The following BRINP1 variants were observed in gnomAD, a reference collection of about 807,000 sequenced individuals.
The protein encoded by BRINP1 is BMP/retinoic acid-inducible neural-specific protein 1.
Under a neutral mutation model 72.9 loss-of-function variants are expected in BRINP1, and 17 were observed. That is an observed-to-expected ratio of 0.23 (90% CI 0.16 to 0.35). BRINP1 has a LOEUF of 0.35. Ranked by LOEUF, BRINP1 falls within the 10% of genes least tolerant of loss-of-function variation. The pLI, the probability that BRINP1 is intolerant of heterozygous loss-of-function variation, is 1.00. For synonymous variants in BRINP1, 418 were observed against 378.5 expected (o/e 1.10, Z -1.21); for missense variants, 850 against 1,001.6 (o/e 0.85, Z 2.04).
chr9:119,238,868 G>A lies in BRINP1; in HGVS notation c.580-108C>T, dbSNP rs10120220. On this transcript the variant is annotated intron_variant, in intron 4 of 7. Coordinates refer to ENST00000265922, the MANE Select transcript of BRINP1 (RefSeq NM_014618.3). ...CAAAGCCTGCAGAAAAGGCCTCCTGGTTTGAGTCAATGGTCACTTTCTGAG... is the reference window on the plus strand; with the variant it reads ...CAAAGCCTGCAGAAAAGGCCTCCTGATTTGAGTCAATGGTCACTTTCTGAG... 9,722 of 655,366 alleles carry A rather than the reference G, an allele frequency of 0.015. 689 individuals carry two copies. The African/African-American group carries it at 0.16, about 11-fold the overall frequency. The allele number at this position is 655,366 out of a possible 1,614,324, so 40.6% of individuals were successfully genotyped here.
intron 2 of BRINP1, among the ~76,000 whole-genome samples, chr9:119,302,666 T>C (rs1354499511): frequency 6.6e-6 from 1 of 152,198 alleles, no homozygotes; most frequent in Admixed American, 6.5e-5. Flanking sequence ...ACATCTTCTG[T>C]GTCCATTACT....
chr9:119,226,854 TA>T (rs1317212972), intron 5 of BRINP1, among the ~76,000 whole-genome samples: 1 of 152,016 alleles, frequency 6.6e-6, no homozygotes, highest in Non-Finnish European at 1.5e-5. Context: ...CCTGATCTAG[TA>T]AAAACCATGA....
At chr9:119,327,649 G>A (rs921288059) in intron 1 of BRINP1, among the ~76,000 whole-genome samples, 1 of 152,146 alleles carries the variant, frequency 6.6e-6, no homozygotes, top group African/African-American at 2.4e-5. Flanking sequence ...TCTTGTATTA[G>A]ATGGAAAGAA....
intron 5 of BRINP1, among the ~76,000 whole-genome samples, chr9:119,221,585 C>T (rs1830042222): frequency 6.6e-6 from 1 of 152,124 alleles, no homozygotes; most frequent in Non-Finnish European, 1.5e-5. Flanking sequence ...GTCATTTACA[C>T]TCTGGAAAAT....
chr9:119,293,960 AAAG>A (rs1394501912), intron 2 of BRINP1, among the ~76,000 whole-genome samples: 4 of 152,296 alleles, frequency 2.6e-5, no homozygotes, highest in East Asian at 3.9e-4. Context: ...TCAAATAAAA[AAAG>A]AAGTAAAATT....
intron 1 of BRINP1, among the ~76,000 whole-genome samples, chr9:119,314,966 A>G (rs893089860): frequency 4.6e-5 from 7 of 152,102 alleles, no homozygotes; most frequent in African/African-American, 1.7e-4. Flanking sequence ...GTTTTTGTTC[A>G]CCTGATCCCC....
intron 7 of BRINP1, among the ~76,000 whole-genome samples, chr9:119,192,952 T>A (rs374133684): frequency 6.6e-6 from 1 of 152,064 alleles, no homozygotes; most frequent in East Asian, 1.9e-4. Flanking sequence ...CAAAATCTGA[T>A]GATGTTCAAG....
intron 2 of BRINP1, among the ~76,000 whole-genome samples, chr9:119,301,017 T>C (rs1830933304): frequency 6.6e-6 from 1 of 152,258 alleles, no homozygotes; most frequent in Non-Finnish European, 1.5e-5. Flanking sequence ...AGTGTTATCA[T>C]TGGTAACCTG....
At chr9:119,238,997 A>G (rs906740862) in intron 4 of BRINP1, among the ~76,000 whole-genome samples, 9 of 152,170 alleles carry the variant, frequency 5.9e-5, no homozygotes, top group African/African-American at 2.2e-4. Flanking sequence ...ACTGGTTCTC[A>G]CTTCACACGG....
intron 1 of BRINP1, among the ~76,000 whole-genome samples, chr9:119,359,098 A>T (rs896811395): frequency 1.3e-5 from 2 of 152,238 alleles, no homozygotes; most frequent in African/African-American, 4.8e-5. Context: ...AGTAACAGTT[A>T]ATGTTTATAT....
At chr9:119,311,087 A>G (rs1831061461) in intron 2 of BRINP1, among the ~76,000 whole-genome samples, 1 of 152,190 alleles carries the variant, frequency 6.6e-6, no homozygotes, top group Non-Finnish European at 1.5e-5. Flanking sequence ...AGCACTTGTT[A>G]TACCTTGAAA....
chr9:119,275,332 A>G (rs1830645963), intron 2 of BRINP1, among the ~76,000 whole-genome samples: 3 of 152,212 alleles, frequency 2.0e-5, no homozygotes, highest in Admixed American at 2.0e-4. Context: ...TTGTACACAT[A>G]TATTCCCAAC....
chr9:119,186,117 T>G (rs1325127758), intron 7 of BRINP1, among the ~76,000 whole-genome samples: 1 of 152,100 alleles, frequency 6.6e-6, no homozygotes, highest in African/African-American at 2.4e-5. Flanking sequence ...GGGCACTGCC[T>G]GGGCTCAGAT....
At chr9:119,219,548 A>T (rs1263919543) in intron 5 of BRINP1, among the ~76,000 whole-genome samples, 3 of 149,692 alleles carry the variant, frequency 2.0e-5, no homozygotes, top group Non-Finnish European at 4.4e-5. Flanking sequence ...TCTTTCACAC[A>T]TATTCCTGAA....
chr9:119,297,033 A>T (rs1000859295), intron 2 of BRINP1, among the ~76,000 whole-genome samples: 1 of 152,192 alleles, frequency 6.6e-6, no homozygotes, highest in African/African-American at 2.4e-5. Context: ...ACAAAAAAAG[A>T]GACGGAAAAT....
At chr9:119,354,583 G>A (rs1464365305) in intron 1 of BRINP1, among the ~76,000 whole-genome samples, 2 of 152,160 alleles carry the variant, frequency 1.3e-5, no homozygotes, top group Non-Finnish European at 1.5e-5. Context: ...CATCAGGCCA[G>A]CCATGATGGC....
chr9:119,359,408 C>G (rs543941831), intron 1 of BRINP1, among the ~76,000 whole-genome samples: 2 of 152,286 alleles, frequency 1.3e-5, no homozygotes, highest in African/African-American at 4.8e-5. Context: ...CTAAATATTG[C>G]CCAGGCTGGT....
chr9:119,169,828 C>T (rs934919570), intron 7 of BRINP1, among the ~76,000 whole-genome samples: 3 of 152,284 alleles, frequency 2.0e-5, no homozygotes, highest in African/African-American at 4.8e-5. Flanking sequence ...TGACCCCTGA[C>T]CCCTGAGCAG....
At chr9:119,350,430 C>A (rs1831495401) in intron 1 of BRINP1, among the ~76,000 whole-genome samples, 1 of 152,110 alleles carries the variant, frequency 6.6e-6, no homozygotes, top group African/African-American at 2.4e-5. Context: ...TACTAAGTTG[C>A]CGCTCTCTAT....
Sources: allele counts gnomAD v4.1 joint callset (sites outside exome capture counted in the v4.1 genomes callset), GRCh38; gene constraint gnomAD v4.1.1; transcripts MANE v1.5; gene names NCBI Gene and HGNC (gene_info 2026-07-23, HGNC 2026-07-21).